The following MFSD12 variants were observed in gnomAD, a reference collection of about 807,000 sequenced individuals.
MFSD12 encodes major facilitator superfamily domain containing 12.
A neutral mutation model predicts 51.2 loss-of-function variants in MFSD12; 67 were observed. The ratio of observed to expected loss-of-function variants is 1.31; its 90% CI spans 1.08 to 1.60. MFSD12 has a LOEUF of 1.60. MFSD12 is among the 40% of genes most tolerant of loss of function. MFSD12 has a pLI of 0.00. For synonymous variants in MFSD12, 441 were observed against 316.7 expected, an observed-to-expected ratio of 1.39 and a Z score of -4.17; for missense variants, 921 against 673.0, an observed-to-expected ratio of 1.37 and a Z score of -4.08.
chr19:3,552,067 G>A (rs900659016), intron 1 of MFSD12, among the ~76,000 whole-genome samples: 8 of 152,116 alleles, frequency 5.3e-5, no homozygotes, highest in African/African-American at 7.2e-5. Flanking sequence ...CGGAGCACCC[G>A]GGAATTCTCT....
exon 5 of MFSD12, chr19:3,538,421 C>A: frequency 6.4e-6 from 2 of 311,528 alleles, no homozygotes; most frequent in Non-Finnish European, 1.3e-5. Context: ...GCCCTGTCCC[C>A]ATTATGTCAC....
rs10414812 is a variant in MFSD12 at position 3,547,957 on chromosome 19, C to T, written c.728G>A (p.Arg243His). The change falls in exon 4 of 10, where the codon CGC becomes CAC. Residue 243 changes from arginine to histidine, a missense_variant. Coordinates refer to ENST00000355415, the MANE Select transcript of MFSD12 (RefSeq NM_174983.5). ...GCCTGGCTCCTCCGCATGCGGCCGG[C>T]GCCTCTCCCGGGTGCCCAGGTGGAA... ...LLFHLGTRER[R>H]RPHAEEPGEH... 0.021 allele frequency: 32,973 copies of T among 1,595,398 alleles called. 1,718 individuals carry two copies. The highest frequency in any genetic ancestry group is 0.2 in the African/African-American group (14,665 of 74,444).
At chr19:3,538,788 A>C (rs1390036223) in intron 4 of MFSD12, 5 of 534,404 alleles carry the variant, frequency 9.4e-6, no homozygotes, top group Non-Finnish European at 1.9e-5. Flanking sequence ...ACTGGATGTG[A>C]GTGGGTGAGG....
chr19:3,544,144 A>C, downstream of MFSD12: 8 of 1,400,786 alleles, frequency 5.7e-6, no homozygotes, highest in Non-Finnish European at 7.5e-6. Flanking sequence ...GGCAGGGCTG[A>C]GATGCCCAGG....
rs768578811 is a variant in MFSD12, at chr19:3,557,238, G to A, written c.166C>T (p.Arg56Cys). The change falls in exon 1 of 10, where the codon CGC becomes TGC. Residue 56 changes from arginine to cysteine, a missense_variant. Arg to Cys is a radical substitution (Grantham distance 180, BLOSUM62 -3). Transcript: ENST00000355415. ...AGCAGCAGCAGCAGCCCCGCGCCGCGGGAGCTGTAGGCGCGCACCGAGTGC... is the reference window on the plus strand; with the variant it reads ...AGCAGCAGCAGCAGCCCCGCGCCGCAGGAGCTGTAGGCGCGCACCGAGTGC... The part of the protein sequence containing the change: ...YLHSVRAYSS[R>C]GAGLLLLLGQ... The A allele has an allele frequency of 3.1e-6, 5 of 1,592,950 alleles. No individual in the cohort carries two copies. Among genetic ancestry groups the A allele is most frequent in the Middle Eastern group, 1.7e-4 (1 of 5,946 alleles).
intron 6 of MFSD12, 40 bp from the exon 7 acceptor site, chr19:3,546,465 T>C (rs28528221): frequency 0.18 from 276,956 of 1,567,754 alleles, 26,461 homozygotes; most frequent in African/African-American, 0.34. Flanking sequence ...CACCACTGGG[T>C]GCCCCCAAGC....
rs748796155 is a variant in MFSD12, at chr19:3,547,438, C to T, written c.930+17G>A. ...TGGGGCCGTCCCATCCCAGCGTCCC[C>T]GCCCCAATCTGCTCACCTTGGGCAG... On this transcript the variant is annotated intron_variant, in intron 5 of 9. Transcript: ENST00000355415. 1.2e-5 allele frequency: 20 copies of T among 1,612,198 alleles called. No homozygotes were observed. Among genetic ancestry groups the T allele is most frequent in the African/African-American group, 2.7e-5 (2 of 74,938 alleles).
chr19:3,538,773 A>G, intron 4 of MFSD12: 1 of 519,232 alleles, frequency 1.9e-6, no homozygotes, highest in Non-Finnish European at 3.9e-6. Flanking sequence ...GTATTTTACA[A>G]ACGGACTGGA....
chr19:3,548,668 C>T (rs913468664), intron 2 of MFSD12, among the ~76,000 whole-genome samples: 8 of 150,576 alleles, frequency 5.3e-5, no homozygotes, highest in African/African-American at 2.0e-4. Flanking sequence ...GCCCACAGCC[C>T]GGCCAGGCAC....
Position 3,557,474 on chromosome 19 carries a change from C to T in MFSD12, c.-71G>A. On this transcript the variant is annotated 5_prime_UTR_variant, in exon 1 of 10. Transcript: ENST00000355415. ...TACCCTGGCCAGGCCTTCTTGGGTG[C>T]CGTGGGGGCAGGCGCCGGGGACCCC... 7 of 1,010,770 alleles carry T rather than the reference C, an allele frequency of 6.9e-6. No homozygotes were observed. The highest frequency in any genetic ancestry group is 7.4e-6 in the Non-Finnish European group (6 of 806,640). 62.6% of individuals were successfully genotyped at this position (1,010,770 alleles called of 1,614,324 possible). A position where few individuals can be genotyped will look rare whatever the true frequency, so the allele number is the denominator to read the frequency against.
At chr19:3,541,607 C>T, downstream of MFSD12, 1 of 982,162 alleles carries the variant, frequency 1.0e-6, no homozygotes. Flanking sequence ...AGGCATGAGC[C>T]ACCGCACCCA....
intron 6 of MFSD12, among the ~76,000 whole-genome samples, chr19:3,546,903 A>C (rs1808272): frequency 1.3e-5 from 2 of 151,646 alleles, no homozygotes; most frequent in Non-Finnish European, 2.9e-5. Context: ...GTGTGATCTC[A>C]TCTCACTGCA....
At chr19:3,553,950 C>T (rs996621689) in intron 1 of MFSD12, among the ~76,000 whole-genome samples, 3 of 151,586 alleles carry the variant, frequency 2.0e-5, no homozygotes, top group Non-Finnish European at 2.9e-5. Flanking sequence ...GGCATGGTGG[C>T]ACGAGCCTGT....
At chr19:3,541,254 T>TA (rs778127338), downstream of MFSD12, among the ~76,000 whole-genome samples, 1 of 151,686 alleles carries the variant, frequency 6.6e-6, no homozygotes, top group Non-Finnish European at 1.5e-5. Flanking sequence ...GAGGATCGCT[T>TA]GAGCCTAGGA....
chr19:3,542,194 A>C, downstream of MFSD12: 4 of 985,386 alleles, frequency 4.1e-6, no homozygotes, highest in Non-Finnish European at 4.8e-6. Context: ...CTGATCTTGA[A>C]ATTGCCTTTC....
At chr19:3,542,898 A>T (rs2030539044), downstream of MFSD12, 2 of 1,414,882 alleles carry the variant, frequency 1.4e-6, no homozygotes, top group Non-Finnish European at 1.9e-6. Context: ...TGGGTCTTGG[A>T]GGCTGGACAA....
chr19:3,538,318 C>A (rs186245599), exon 5 of MFSD12: 1 of 171,620 alleles, frequency 5.8e-6, no homozygotes, highest in East Asian at 1.8e-4. Flanking sequence ...AATACAAAAT[C>A]TACCGTCTTA....
rs368437815 is a variant in MFSD12, at chr19:3,544,954, G to A, written c.1290-15C>T. 286 of 1,598,088 alleles carry A rather than the reference G, an allele frequency of 1.8e-4. 2 individuals are homozygous for A. The highest frequency in any genetic ancestry group is 6.4e-4 in the African/African-American group (48 of 74,716). On this transcript the variant is annotated splice_polypyrimidine_tract_variant and intron_variant, in intron 8 of 9. Transcript: ENST00000355415. ...AGAGCTCTGAGCTGTGGGAGGAGGC[G>A]GGGGATGAGTAGGCACCGCGGGTAC...
exon 5 of MFSD12, chr19:3,538,655 C>T (rs980342447): frequency 4.2e-5 from 16 of 380,698 alleles, no homozygotes; most frequent in African/African-American, 1.2e-4. Flanking sequence ...AGCACGGTGG[C>T]GGCGCCGTGC....
Sources: gnomAD v4.1 joint callset for allele counts (sites outside exome capture counted in the v4.1 genomes callset) on GRCh38, gnomAD v4.1.1 for gene constraint, MANE v1.5 for transcripts, NCBI Gene and HGNC (gene_info 2026-07-23, HGNC 2026-07-21) for gene names.